Variants in FRMD8 observed in about 807,000 individuals in gnomAD.
FRMD8 encodes the protein FERM domain containing 8, also known as FERM domain-containing protein 8.
A neutral mutation model predicts 54.2 loss-of-function variants in FRMD8; 37 were observed. The ratio of observed to expected loss-of-function variants is 0.68; its 90% CI spans 0.53 to 0.90. The LOEUF is 0.90. FRMD8 is among the 40% of genes least tolerant of loss of function. FRMD8 has a pLI of 0.00. For missense variants in FRMD8, 585 were observed against 653.7 expected (o/e 0.89, Z 1.15); for synonymous variants, 246 against 286.9 (o/e 0.86, Z 1.44).
intron 10 of FRMD8, 111 bp downstream of exon 10, chr11:65,405,179 C>G: frequency 9.4e-7 from 1 of 1,063,032 alleles, no homozygotes; most frequent in Non-Finnish European, 1.4e-6. Flanking sequence ...CCAGTGTGAG[C>G]TGGCCTCCAT....
rs900238342 is a variant in FRMD8 at position 65,396,887 on chromosome 11, G to A, written c.670G>A (p.Gly224Arg). The change falls in exon 7 of 11, where the codon GGG becomes AGG. Residue 224 changes from glycine to arginine, a missense_variant. Physicochemically the swap from Gly to Arg is moderately radical, Grantham distance 125 (BLOSUM62 -2). Transcript: ENST00000317568. ...CCTCCGGGGCCGTGGGGCCAGGGCC[G>A]GGCCGGGCGAGCAGGGCCTGCTGAA... The part of the protein sequence containing the change: ...AALRGRGARA[G>R]PGEQGLLNAY... 1.8e-5 allele frequency: 28 copies of A among 1,558,838 alleles called. No individual in the cohort carries two copies. Among genetic ancestry groups the A allele is most frequent in the African/African-American group, 5.5e-5 (4 of 72,878 alleles).
At chr11:65,398,489 G>C (rs140292824) in intron 7 of FRMD8, among the ~76,000 whole-genome samples, 1 of 152,236 alleles carries the variant, frequency 6.6e-6, no homozygotes, top group African/African-American at 2.4e-5. Flanking sequence ...AGGGGCCCTG[G>C]GCCCCCCAGC....
intron 10 of FRMD8, 152 bp downstream of exon 10, chr11:65,405,220 C>G: frequency 2.8e-6 from 2 of 709,354 alleles, no homozygotes; most frequent in Non-Finnish European, 4.8e-6. Flanking sequence ...AGGCCGAGCC[C>G]GGGCCTTGGC....
At chr11:65,370,711 A>AC in the FRMD8 span, among the ~76,000 whole-genome samples, 1 of 152,068 alleles carries the variant, frequency 6.6e-6, no homozygotes, top group East Asian at 1.9e-4. Flanking sequence ...AAAAAAAAAA[A>AC]AGTTAAAGTA....
the FRMD8 span, chr11:65,380,657 C>A: frequency 8.0e-7 from 1 of 1,251,748 alleles, no homozygotes; most frequent in Non-Finnish European, 1.0e-6. Flanking sequence ...GCCTGGGCAC[C>A]TGCAGAGGAG....
chr11:65,388,920 ATGGTTTCAGCCTCTCTATGCTG>A (rs1254598334), intron 2 of FRMD8, among the ~76,000 whole-genome samples: 119 of 152,220 alleles, frequency 7.8e-4, no homozygotes, highest in Non-Finnish European at 1.3e-3. Context: ...TAGCCTCAGG[ATGGTTTCAGCCTCTCTATGCTG>A]TGGTTTCAGC....
rs1253777627 is a variant in FRMD8 at position 65,405,025 on chromosome 11, C to T, written c.1233C>T (p.Ser411=). 1.9e-6 allele frequency: 3 copies of T among 1,613,470 alleles called. No homozygotes were observed. The highest frequency in any genetic ancestry group is 3.3e-4 in the Middle Eastern group (2 of 6,062). ...PKLRRQGSVV[S]SRIQHLSTID... is the part of the protein sequence containing the mutation. The stretch of plus-strand genomic sequence containing the variant: ...TGCGGAGGCAGGGCAGTGTGGTGTC[C>T]AGCCGGATCCAGCATCTCTCCACCA... The change falls in exon 10 of 11, where the codon TCC becomes TCT. Residue 411 remains serine (S), a synonymous_variant. Transcript: ENST00000317568.
chr11:65,373,464 A>G, the FRMD8 span, among the ~76,000 whole-genome samples: 5 of 152,240 alleles, frequency 3.3e-5, no homozygotes, highest in African/African-American at 1.2e-4. Flanking sequence ...CTTAAACTTT[A>G]GCATGTGTAG....
the FRMD8 span, chr11:65,380,898 G>T: frequency 3.8e-6 from 1 of 261,142 alleles, no homozygotes; most frequent in South Asian, 3.5e-5. Flanking sequence ...GGGGACTCAG[G>T]ACAGCAGGTG....
rs1856133664 is a variant in FRMD8, at chr11:65,403,919, G to A, written c.1072-945G>A. Among the ~76,000 whole-genome samples, 3 of 152,314 alleles carry A rather than the reference G, an allele frequency of 2.0e-5. 1 individual carries two copies. The highest frequency in any genetic ancestry group is 4.8e-5 in the African/African-American group (2 of 41,568). On this transcript the variant is annotated intron_variant, in intron 9 of 10. Transcript: ENST00000317568. ...CAGGACTCTGTCCCCACCGGCTGCCGTCCCCTCGCCAGCCCACTGCCCTTT... is the reference window on the plus strand; with the variant it reads ...CAGGACTCTGTCCCCACCGGCTGCCATCCCCTCGCCAGCCCACTGCCCTTT...
chr11:65,386,883 G>C lies in FRMD8; in HGVS notation c.-1+122G>C. ...GTAGCAACCCGCACCCCTCCCACCA[G>C]CGCCCGGTCTGCACTCTTGGCCCCT... On this transcript the variant is annotated intron_variant, in intron 1 of 10. Transcript: ENST00000317568. The C allele has an allele frequency of 7.4e-6, 5 of 677,842 alleles. No homozygotes were observed. In the South Asian group the frequency reaches 8.9e-5, roughly 12 times the overall value. 42.0% of individuals were successfully genotyped at this position (677,842 alleles called of 1,614,324 possible).
In FRMD8 at chr11:65,411,390, CT is replaced by C; in HGVS notation, c.*31del. ...GCTGCACCCGGCAGGAGGAGGGCGA[CT>C]GGGGGCCCTGGCCCGGCACTGTCCT... On this transcript the variant is annotated 3_prime_UTR_variant, in exon 11 of 11. Coordinates refer to ENST00000317568, the MANE Select transcript of FRMD8 (RefSeq NM_031904.5). The C allele has an allele frequency of 2.1e-6, 3 of 1,453,136 alleles. No homozygotes were observed. Among genetic ancestry groups the C allele is most frequent in the Non-Finnish European group, 2.8e-6 (3 of 1,068,708 alleles). The allele number at this position is 1,453,136 out of a possible 1,614,324, so 90.0% of individuals were successfully genotyped here.
intron 7 of FRMD8, among the ~76,000 whole-genome samples, chr11:65,398,765 G>A (rs1420701682): frequency 6.6e-6 from 1 of 152,226 alleles, no homozygotes; most frequent in East Asian, 1.9e-4. Flanking sequence ...TGAAATCGGA[G>A]GGCTGGCCAT....
the FRMD8 span, chr11:65,376,523 G>T: frequency 1.2e-6 from 2 of 1,614,068 alleles, no homozygotes; most frequent in East Asian, 4.5e-5. Flanking sequence ...CCTTCCTGCC[G>T]GATGCTGCTC....
chr11:65,401,162 T>A (rs939596021), intron 9 of FRMD8, among the ~76,000 whole-genome samples: 2 of 151,964 alleles, frequency 1.3e-5, no homozygotes, highest in African/African-American at 4.8e-5. Context: ...CACCCTCCCC[T>A]CCTGTCCCCA....
In FRMD8 at chr11:65,405,058, C is replaced by A; in HGVS notation, c.1266C>A (p.Tyr422Ter). ...TCCAGCATCTCTCCACCATCGACTA[C>A]GTGGAGGACGGTGAGCAGCCCTTCT... is the stretch of plus-strand genomic sequence containing the variant. ...SRIQHLSTID[Y>*]VEDGKGIRRV... The change falls in exon 10 of 11, where the codon TAC becomes TAA. Residue 422 changes from tyrosine (Y) to a stop codon, truncating the protein, a stop_gained. Coordinates refer to ENST00000317568, the MANE Select transcript of FRMD8 (RefSeq NM_031904.5). LOFTEE classifies it high-confidence loss of function. 1 of 1,613,222 alleles carries A rather than the reference C, an allele frequency of 6.2e-7. No homozygotes were observed. Among genetic ancestry groups the A allele is most frequent in the South Asian group, 1.1e-5 (1 of 91,082 alleles).
intron 3 of FRMD8, 33 bp downstream of exon 3, chr11:65,389,561 G>T: frequency 6.5e-7 from 1 of 1,537,978 alleles, no homozygotes; most frequent in Non-Finnish European, 8.7e-7. Flanking sequence ...CCAGGCTGGA[G>T]GGTTGGAAGG....
the FRMD8 span, chr11:65,380,907 T>C: frequency 4.0e-6 from 1 of 250,490 alleles, no homozygotes; most frequent in Non-Finnish European, 8.2e-6. Flanking sequence ...GGACAGCAGG[T>C]GAGGTCAAAG....
intron 7 of FRMD8, 72 bp downstream of exon 7, chr11:65,397,092 A>G: frequency 4.8e-6 from 4 of 837,678 alleles, no homozygotes; most frequent in Non-Finnish European, 7.0e-6. Context: ...CACAGCTGCC[A>G]GTGAGCCCAC....
Sources: allele counts gnomAD v4.1 joint callset (sites outside exome capture counted in the v4.1 genomes callset), GRCh38; gene constraint gnomAD v4.1.1; transcripts MANE v1.5; gene names NCBI Gene and HGNC (gene_info 2026-07-23, HGNC 2026-07-21).